The following FGF14 variants were observed in gnomAD, a reference collection of about 807,000 sequenced individuals.
The protein encoded by FGF14 is fibroblast growth factor homologous factor 4.
A neutral mutation model predicts 25.5 loss-of-function variants in FGF14; 5 were observed. That is an observed-to-expected ratio of 0.20 (90% confidence interval 0.10 to 0.41). The LOEUF (loss-of-function observed/expected upper bound fraction) is 0.41. Ranked by LOEUF, FGF14 falls within the 10% of genes least tolerant of loss-of-function variation. The pLI, the probability that FGF14 is intolerant of heterozygous loss-of-function variation, is 1.00. For synonymous variants in FGF14, 138 were observed against 118.3 expected (o/e 1.17, Z -1.08); for missense variants, 222 against 320.1 (o/e 0.69, Z 2.34).
In FGF14 at chr13:102,071,389, T is replaced by C. The variant is rs917172394; in HGVS notation, c.209-196093A>G. Among the ~76,000 whole-genome samples, 6 of 152,330 alleles carry C rather than the reference T, an allele frequency of 3.9e-5. 1 individual carries two copies. The Middle Eastern group carries it at 0.017, about 432-fold the overall frequency. On this transcript the variant is annotated intron_variant, in intron 1 of 4. Coordinates refer to the FGF14 transcript ENST00000376131. ...GCTTGATGATCTGATGCTTCAGCTA[T>C]CTTCTGGAGGATACTCAATTTTAGA...
chr13:102,005,367 TTC>T lies in FGF14; in HGVS notation c.209-130073_209-130072del, dbSNP rs1243437261. ...AGAGTTTTTAAACTTGCACAGAGATTTCTGTGTTCAATGCCAGCACCATACAA... is the reference window on the plus strand; with the variant it reads ...AGAGTTTTTAAACTTGCACAGAGATTTGTGTTCAATGCCAGCACCATACAA... On this transcript the variant is annotated intron_variant, in intron 1 of 4. Coordinates refer to the FGF14 transcript ENST00000376131. Among the ~76,000 whole-genome samples, 5 of 152,342 alleles carry T rather than the reference TTC, an allele frequency of 3.3e-5. No individual in the cohort carries two copies. The East Asian group carries it at 5.8e-4, about 18-fold the overall frequency.
chr13:102,256,163 G>A (rs2052426656), intron 1 of FGF14, among the ~76,000 whole-genome samples: 1 of 151,996 alleles, frequency 6.6e-6, no homozygotes, highest in South Asian at 2.1e-4. Flanking sequence ...GGAAGAGAGG[G>A]AGAAATGAAA....
At chr13:101,822,742 T>C (rs1380919872) in intron 3 of FGF14, among the ~76,000 whole-genome samples, 1 of 152,190 alleles carries the variant, frequency 6.6e-6, no homozygotes, top group Non-Finnish European at 1.5e-5. Context: ...ACATTTCAAA[T>C]CCACTCTTCT....
intron 1 of FGF14, among the ~76,000 whole-genome samples, chr13:101,946,726 C>T (rs907409501): frequency 6.6e-6 from 1 of 152,162 alleles, no homozygotes; most frequent in African/African-American, 2.4e-5. Flanking sequence ...AATACAAACT[C>T]TTTTCTCCAA....
chr13:101,825,741 G>A (rs763162863), intron 3 of FGF14, among the ~76,000 whole-genome samples: 94 of 152,084 alleles, frequency 6.2e-4, no homozygotes, highest in Non-Finnish European at 9.9e-4. Context: ...ATGGGGCAGG[G>A]GCTATTAAAA....
At chr13:102,238,394 G>A (rs1002236181) in intron 1 of FGF14, among the ~76,000 whole-genome samples, 4 of 152,090 alleles carry the variant, frequency 2.6e-5, no homozygotes, top group African/African-American at 7.2e-5. Context: ...TTATTGCAGC[G>A]ATATTTGTTT....
At chr13:102,333,119 G>A (rs1221393137) in intron 1 of FGF14, among the ~76,000 whole-genome samples, 2 of 152,090 alleles carry the variant, frequency 1.3e-5, no homozygotes, top group Non-Finnish European at 2.9e-5. Context: ...TAAATCTTGG[G>A]ATATCCAACA....
chr13:102,247,813 A>G (rs914454119), intron 1 of FGF14, among the ~76,000 whole-genome samples: 1 of 152,174 alleles, frequency 6.6e-6, no homozygotes, highest in Non-Finnish European at 1.5e-5. Context: ...GGCACTATTC[A>G]TAACAGCAAA....
At chr13:101,877,125 C>T (rs1016737375) in intron 1 of FGF14, among the ~76,000 whole-genome samples, 6 of 152,034 alleles carry the variant, frequency 3.9e-5, no homozygotes, top group African/African-American at 1.4e-4. Context: ...CTAGATCAGG[C>T]GAGGCAGTGA....
intron 1 of FGF14, among the ~76,000 whole-genome samples, chr13:102,232,008 T>G (rs1262800576): frequency 6.6e-6 from 1 of 152,178 alleles, no homozygotes; most frequent in African/African-American, 2.4e-5. Context: ...TATATTAGAG[T>G]GTGCTGTGGT....
intron 1 of FGF14, among the ~76,000 whole-genome samples, chr13:102,248,521 A>T (rs1156441504): frequency 6.6e-6 from 1 of 152,170 alleles, no homozygotes; most frequent in African/African-American, 2.4e-5. Context: ...TGTGTTCAGT[A>T]TAAAAATGTG....
chr13:102,393,505 TA>T, intron 1 of FGF14, among the ~76,000 whole-genome samples: 1 of 152,282 alleles, frequency 6.6e-6, no homozygotes, highest in African/African-American at 2.4e-5. Flanking sequence ...ATGAGGTTTA[TA>T]AAAAAGATTT....
At chr13:101,854,633 G>A (rs9582530) in intron 3 of FGF14, among the ~76,000 whole-genome samples, 386 of 152,148 alleles carry the variant, frequency 2.5e-3, no homozygotes, top group African/African-American at 8.9e-3. Context: ...TCATCATGTT[G>A]TAAAAAGTCA....
At chr13:102,052,738 G>A (rs1160373072) in intron 1 of FGF14, among the ~76,000 whole-genome samples, 1 of 152,038 alleles carries the variant, frequency 6.6e-6, no homozygotes, top group Non-Finnish European at 1.5e-5. Flanking sequence ...CAAAAGTTGA[G>A]GAAGTTCATA....
chr13:102,326,153 T>C (rs1405171566), intron 1 of FGF14, among the ~76,000 whole-genome samples: 1 of 151,870 alleles, frequency 6.6e-6, no homozygotes, highest in Non-Finnish European at 1.5e-5. Flanking sequence ...ATGAAATTTG[T>C]AAATAAGCCC....
intron 3 of FGF14, among the ~76,000 whole-genome samples, chr13:101,854,569 A>G (rs2140379716): frequency 6.6e-6 from 1 of 152,256 alleles, no homozygotes; most frequent in African/African-American, 2.4e-5. Flanking sequence ...CTGAAGATTA[A>G]ACGAAACATA....
intron 1 of FGF14, among the ~76,000 whole-genome samples, chr13:102,327,889 T>A (rs2056508855): frequency 6.7e-6 from 1 of 148,780 alleles, no homozygotes; most frequent in Non-Finnish European, 1.5e-5. Context: ...AATTGACTCA[T>A]TTCCAAAAAA....
intron 1 of FGF14, among the ~76,000 whole-genome samples, chr13:102,257,304 T>TTTTTCC (rs911036036): frequency 5.3e-5 from 8 of 151,522 alleles, no homozygotes; most frequent in Non-Finnish European, 1.2e-4. Flanking sequence ...TGACATCTTT[T>TTTTTCC]TTTTCCTTTT....
chr13:102,213,287 T>C (rs996930086), intron 1 of FGF14, among the ~76,000 whole-genome samples: 2 of 152,196 alleles, frequency 1.3e-5, no homozygotes, highest in Non-Finnish European at 2.9e-5. Flanking sequence ...TACAGTAATT[T>C]ACACTGGAAA....
Sources: gnomAD v4.1 joint callset for allele counts (sites outside exome capture counted in the v4.1 genomes callset) on GRCh38, gnomAD v4.1.1 for gene constraint, MANE v1.5 for transcripts, NCBI Gene and HGNC (gene_info 2026-07-23, HGNC 2026-07-21) for gene names.